The following ANK2 variants were observed in gnomAD, a reference collection of about 807,000 sequenced individuals.
The protein encoded by ANK2 is ankyrin 2.
Under a neutral mutation model 360.5 loss-of-function variants are expected in ANK2, and 83 were observed. That is an observed-to-expected ratio of 0.23 (90% CI 0.19 to 0.28). ANK2 has a LOEUF of 0.28. ANK2 is among the 10% of genes least tolerant of loss of function. The probability of loss-of-function intolerance (pLI) is 1.00; values close to 1 mark genes in which losing one functional copy is unlikely to be tolerated. For synonymous variants in ANK2, 1,740 were observed against 1,759.5 expected (o/e 0.99, Z 0.28); for missense variants, 4,201 against 4,795.7 (o/e 0.88, Z 3.66).
chr4:113,293,571 G>C, intron 22 of ANK2, 33 bp downstream of exon 22: 1 of 1,568,422 alleles, frequency 6.4e-7, no homozygotes, highest in Non-Finnish European at 8.7e-7. Context: ...CTTCAGCCCT[G>C]TTATTCTTCG....
chr4:113,156,799 A>T (rs942281534), intron 1 of ANK2, among the ~76,000 whole-genome samples: 6 of 150,020 alleles, frequency 4.0e-5, no homozygotes, highest in East Asian at 1.9e-4. Flanking sequence ...TATATATATT[A>T]TATATATAAA....
intron 45 of ANK2, chr4:113,378,275 T>C: frequency 2.2e-6 from 1 of 453,790 alleles, no homozygotes; most frequent in South Asian, 2.0e-5. Context: ...ACATCTACCC[T>C]AAAGAGGATA....
upstream of ANK2, among the ~76,000 whole-genome samples, chr4:113,045,396 A>G (rs1292557623): frequency 6.6e-6 from 1 of 152,160 alleles, no homozygotes; most frequent in African/African-American, 2.4e-5. Flanking sequence ...GCTGCTTTTC[A>G]TTGAAGCCAG....
At chr4:113,222,605 AG>A (rs1485042831) in intron 4 of ANK2, among the ~76,000 whole-genome samples, 1 of 152,138 alleles carries the variant, frequency 6.6e-6, no homozygotes, top group Non-Finnish European at 1.5e-5. Context: ...TTTAGGGTTC[AG>A]ATCTTGGTCT....
At chr4:112,921,307 G>A (rs1021160764) in intron 2 of ANK2, among the ~76,000 whole-genome samples, 6 of 151,322 alleles carry the variant, frequency 4.0e-5, no homozygotes, top group Non-Finnish European at 8.8e-5. Context: ...TTACAGGCGT[G>A]AGCCACTGCA....
At chr4:113,183,135 G>A (rs2098450088) in intron 2 of ANK2, among the ~76,000 whole-genome samples, 1 of 152,096 alleles carries the variant, frequency 6.6e-6, no homozygotes, top group African/African-American at 2.4e-5. Flanking sequence ...GCTGGGAGCT[G>A]GTTGTGGGGT....
intron 1 of ANK2, among the ~76,000 whole-genome samples, chr4:113,139,458 A>G (rs896738455): frequency 5.9e-5 from 9 of 152,136 alleles, no homozygotes; most frequent in Non-Finnish European, 1.3e-4. Flanking sequence ...TAATCACTTG[A>G]CCCTCTCTTC....
At chr4:112,784,470 G>A in the ANK2 span, among the ~76,000 whole-genome samples, 23 of 148,034 alleles carry the variant, frequency 1.6e-4, no homozygotes, top group Non-Finnish European at 2.5e-4. Context: ...CCATTCTCCT[G>A]CCTCAGCCTC....
intron 8 of ANK2, 126 bp downstream of exon 8, chr4:113,240,709 A>T: frequency 1.3e-6 from 1 of 793,816 alleles, no homozygotes; most frequent in African/African-American, 1.7e-5. Flanking sequence ...TGTGCTGGAG[A>T]TACTAGATTT....
At chr4:113,290,205 A>G (rs956507000) in intron 20 of ANK2, among the ~76,000 whole-genome samples, 2 of 150,650 alleles carry the variant, frequency 1.3e-5, no homozygotes, top group Admixed American at 6.6e-5. Context: ...AGTTGCTTGC[A>G]GTGTTACATT....
chr4:113,240,424 C>T (rs555494739), intron 7 of ANK2, 61 bp from the exon 8 acceptor site: 2 of 1,282,518 alleles, frequency 1.6e-6, no homozygotes, highest in East Asian at 2.3e-5. Flanking sequence ...TTCACTAATA[C>T]AATGGCTGCA....
Position 113,354,583 on chromosome 4 carries a change from T to G in ANK2, c.5965T>G (p.Ser1989Ala), listed in dbSNP as rs1564003685. ...SKTERIEETM[S>A]VRELMKAFQS... ...AACAGAGAGGATTGAGGAAACCATGTCTGTTCGGGAGCTGATGAAGGCTTT... is the reference window on the plus strand; with the variant it reads ...AACAGAGAGGATTGAGGAAACCATGGCTGTTCGGGAGCTGATGAAGGCTTT... The change falls in exon 38 of 46, where the codon TCT (serine) becomes GCT (alanine). Residue 1989 changes from serine to alanine, a missense_variant. By Grantham distance (99) the Ser-to-Ala change is moderately conservative. This residue lies in a region of ANK2 where 2,642 missense variants were observed against 2,714.5 expected (regional missense o/e 0.97). Transcript: ENST00000357077. 1.2e-6 allele frequency: 2 copies of G among 1,614,044 alleles called. No homozygotes were observed. Among genetic ancestry groups the G allele is most frequent in the Non-Finnish European group, 1.7e-6 (2 of 1,179,984 alleles).
chr4:113,357,884 C>A lies in ANK2; in HGVS notation c.9266C>A (p.Thr3089Asn). 1 of 1,614,098 alleles carries A rather than the reference C, an allele frequency of 6.2e-7. No individual in the cohort carries two copies. The highest frequency in any genetic ancestry group is 8.5e-7 in the Non-Finnish European group (1 of 1,179,974). Residue 3089 changes from threonine (T) to asparagine (N), a missense_variant, in exon 38 of 46, where the codon ACT (threonine) becomes AAT (asparagine). Physicochemically the swap from Thr to Asn is moderately conservative, Grantham distance 65 (BLOSUM62 0). Transcript: ENST00000357077. ...TPDTTPARTP[T>N]EEGTPTSEQN... is the part of the protein sequence containing the mutation. ...GACACCACTCCTGCTAGGACCCCAA[C>A]TGAAGAGGGGACCCCAACAAGTGAG...
intron 45 of ANK2, among the ~76,000 whole-genome samples, chr4:113,379,876 G>T (rs1316078830): frequency 2.0e-5 from 3 of 152,198 alleles, no homozygotes; most frequent in Non-Finnish European, 2.9e-5. Context: ...GGTATTGGAT[G>T]ATGGCAGAAC....
chr4:112,843,178 A>T (rs990924239), intron 1 of ANK2, among the ~76,000 whole-genome samples: 2 of 152,250 alleles, frequency 1.3e-5, no homozygotes, highest in Non-Finnish European at 2.9e-5. Flanking sequence ...ATAAAATGAC[A>T]TTTAAGGGTT....
At chr4:112,707,059 T>G in the ANK2 span, among the ~76,000 whole-genome samples, 1 of 152,172 alleles carries the variant, frequency 6.6e-6, no homozygotes, top group Non-Finnish European at 1.5e-5. Context: ...TGGTAGTGTA[T>G]GAGTGTGAGA....
chr4:113,055,212 G>A (rs879569088), intron 1 of ANK2, among the ~76,000 whole-genome samples: 5 of 151,988 alleles, frequency 3.3e-5, no homozygotes, highest in Admixed American at 6.6e-5. Context: ...AGGCAAGATA[G>A]CAAGACCCTG....
At chr4:113,171,860 G>A (rs746091440) in intron 1 of ANK2, among the ~76,000 whole-genome samples, 7 of 152,092 alleles carry the variant, frequency 4.6e-5, no homozygotes, top group Non-Finnish European at 1.0e-4. Context: ...ATACTCCTCA[G>A]CAATACCTGA....
intron 4 of ANK2, among the ~76,000 whole-genome samples, chr4:113,206,630 T>G (rs1469948261): frequency 6.8e-6 from 1 of 147,280 alleles, no homozygotes; most frequent in Non-Finnish European, 1.5e-5. Context: ...GATTACAAAT[T>G]TGCAGGGGCA....
Sources: allele counts gnomAD v4.1 joint callset (sites outside exome capture counted in the v4.1 genomes callset), GRCh38; gene constraint gnomAD v4.1.1; regional missense constraint gnomAD v4.1.1; transcripts MANE v1.5; gene names NCBI Gene and HGNC (gene_info 2026-07-23, HGNC 2026-07-21).